GKAP1: variants seen among roughly 807,000 people sequenced by gnomAD.
GKAP1 encodes G kinase-anchoring protein 1.
A neutral mutation model predicts 56.7 loss-of-function variants in GKAP1; 31 were observed. That is an observed-to-expected ratio of 0.55 (90% CI 0.41 to 0.74). The LOEUF (loss-of-function observed/expected upper bound fraction) is 0.74, where lower values mean the gene tolerates loss of function less well. Ranked by LOEUF, GKAP1 falls within the 30% of genes least tolerant of loss-of-function variation. GKAP1 has a pLI of 0.00. For missense variants in GKAP1, 364 were observed against 402.3 expected (o/e 0.90, Z 0.82); for synonymous variants, 151 against 138.6 (o/e 1.09, Z -0.63).
At chr9:83,765,510 G>A (rs1459746362) in intron 8 of GKAP1, among the ~76,000 whole-genome samples, 4 of 152,242 alleles carry the variant, frequency 2.6e-5, no homozygotes, top group South Asian at 2.1e-4. Flanking sequence ...ATCCACCCAC[G>A]GTTTGCACCG....
intron 6 of GKAP1, among the ~76,000 whole-genome samples, chr9:83,783,266 T>C (rs1191462435): frequency 2.0e-5 from 3 of 152,216 alleles, no homozygotes; most frequent in Admixed American, 1.3e-4. Context: ...TAGCTGTTCA[T>C]ACGGTGAGCA....
chr9:83,763,606 T>C (rs1417398041), intron 8 of GKAP1, among the ~76,000 whole-genome samples: 4 of 152,144 alleles, frequency 2.6e-5, no homozygotes, highest in African/African-American at 9.7e-5. Context: ...AATTCTACTC[T>C]AAGTTTCTAA....
intron 7 of GKAP1, among the ~76,000 whole-genome samples, chr9:83,772,469 A>C (rs1378844620): frequency 6.6e-6 from 1 of 152,200 alleles, no homozygotes; most frequent in East Asian, 1.9e-4. Context: ...CTCTAGAATA[A>C]ATCATCATGA....
intron 3 of GKAP1, among the ~76,000 whole-genome samples, chr9:83,800,369 C>T (rs999680302): frequency 6.9e-6 from 1 of 144,120 alleles, no homozygotes; most frequent in Non-Finnish European, 1.5e-5. Context: ...CAGAGTCTCG[C>T]TCTGTCGCCA....
intron 4 of GKAP1, among the ~76,000 whole-genome samples, chr9:83,792,506 T>C (rs1944177690): frequency 6.6e-6 from 1 of 151,794 alleles, no homozygotes; most frequent in Non-Finnish European, 1.5e-5. Flanking sequence ...GCGCAGAAAA[T>C]AAAGAAGAGA....
intron 6 of GKAP1, among the ~76,000 whole-genome samples, chr9:83,782,900 C>T (rs1944000688): frequency 6.6e-6 from 1 of 152,076 alleles, no homozygotes; most frequent in Non-Finnish European, 1.5e-5. Flanking sequence ...AACTCCTGAC[C>T]TGAAATGGAT....
chr9:83,779,370 C>T (rs1383370178), intron 7 of GKAP1, among the ~76,000 whole-genome samples: 1 of 147,974 alleles, frequency 6.8e-6, no homozygotes, highest in Non-Finnish European at 1.5e-5. Flanking sequence ...AGATAGATTT[C>T]GTTTTCCTAG....
At chr9:83,744,186 A>AT (rs1016657744) in intron 10 of GKAP1, among the ~76,000 whole-genome samples, 10 of 152,334 alleles carry the variant, frequency 6.6e-5, no homozygotes, top group African/African-American at 2.4e-4. Flanking sequence ...AAAACTAGTG[A>AT]TTTTAAAGAG....
intron 4 of GKAP1, among the ~76,000 whole-genome samples, chr9:83,794,145 C>A (rs184167246): frequency 6.6e-6 from 1 of 151,814 alleles, no homozygotes; most frequent in South Asian, 2.1e-4. Context: ...CCAGCTTGGG[C>A]GATGGGAGTA....
At position 83,768,978 on chromosome 9, in the gene GKAP1, A is replaced by G; in HGVS notation, c.586-8T>C. On this transcript the variant is annotated splice_region_variant and splice_polypyrimidine_tract_variant and intron_variant, in intron 7 of 12. Transcript: ENST00000376371. ...CTGAGAAGAACTCAATTCCTGTCAA[A>G]AATGAATTACGATTTACTATCATTC... 1 of 1,602,686 alleles carries G rather than the reference A, an allele frequency of 6.2e-7. No homozygotes were observed. Among genetic ancestry groups the G allele is most frequent in the South Asian group, 1.1e-5 (1 of 90,538 alleles).
chr9:83,753,194 G>GA, intron 9 of GKAP1, 64 bp downstream of exon 9: 1 of 975,150 alleles, frequency 1.0e-6, no homozygotes, highest in Non-Finnish European at 1.6e-6. Context: ...TTACATATAA[G>GA]AAAAACAGAA....
At chr9:83,817,382 T>C (rs1944633875) in intron 1 of GKAP1, 135 bp downstream of exon 1, 2 of 150,736 alleles carry the variant, frequency 1.3e-5, no homozygotes, top group Non-Finnish European at 3.0e-5. Context: ...CTCCGGTCAG[T>C]GGGGCCCGTC....
chr9:83,781,146 T>C (rs1031312156), intron 6 of GKAP1, among the ~76,000 whole-genome samples: 5 of 152,140 alleles, frequency 3.3e-5, no homozygotes, highest in Admixed American at 6.5e-5. Flanking sequence ...GCGGATCACC[T>C]GAGGCCAGGA....
At chr9:83,814,233 T>C (rs1034577237) in intron 2 of GKAP1, among the ~76,000 whole-genome samples, 5 of 152,234 alleles carry the variant, frequency 3.3e-5, no homozygotes, top group African/African-American at 1.2e-4. Context: ...GGGCTTTCTC[T>C]AGCAACCCTC....
chr9:83,799,800 A>C (rs1030946478), intron 3 of GKAP1, among the ~76,000 whole-genome samples: 1 of 151,998 alleles, frequency 6.6e-6, no homozygotes, highest in African/African-American at 2.4e-5. Context: ...CAAAAAATAC[A>C]ACAACAACAA....
At chr9:83,777,401 A>G (rs572550700) in intron 7 of GKAP1, among the ~76,000 whole-genome samples, 17 of 152,330 alleles carry the variant, frequency 1.1e-4, no homozygotes, top group African/African-American at 4.1e-4. Flanking sequence ...AAACAACTTC[A>G]GTCCAACAGA....
chr9:83,786,269 G>A (rs371479849), intron 5 of GKAP1, among the ~76,000 whole-genome samples: 4 of 152,300 alleles, frequency 2.6e-5, no homozygotes, highest in Non-Finnish European at 2.9e-5. Context: ...CCAGCCAGGC[G>A]CGGTGGCTCA....
chr9:83,776,893 G>A (rs747837901), intron 7 of GKAP1, among the ~76,000 whole-genome samples: 14 of 150,134 alleles, frequency 9.3e-5, no homozygotes, highest in East Asian at 3.9e-4. Context: ...ATTTGTCCAC[G>A]CTCATAATCA....
rs149367905 is a variant in GKAP1, at chr9:83,799,291, G to T, written c.254C>A (p.Ser85Tyr). 10 of 1,597,230 alleles carry T rather than the reference G, an allele frequency of 6.3e-6. No homozygotes were observed. The highest frequency in any genetic ancestry group is 8.5e-6 in the Non-Finnish European group (10 of 1,174,988). Reference protein sequence around the residue: ...NLAFKKIPQKSSHAVCNAQHD... With the variant: ...NLAFKKIPQKYSHAVCNAQHD... ...TTGAGCGTTACAAACAGCATGGGAGGATTTCTGGGGAATTTTCTTAAAAGC... is the reference window on the plus strand; with the variant it reads ...TTGAGCGTTACAAACAGCATGGGAGTATTTCTGGGGAATTTTCTTAAAAGC... The change falls in exon 4 of 13, where the codon TCC (serine) becomes TAC (tyrosine). Residue 85 changes from serine to tyrosine, a missense_variant. Transcript: ENST00000376371.
Sources: gnomAD v4.1 joint callset for allele counts (sites outside exome capture counted in the v4.1 genomes callset) on GRCh38, gnomAD v4.1.1 for gene constraint, MANE v1.5 for transcripts, NCBI Gene and HGNC (gene_info 2026-07-23, HGNC 2026-07-21) for gene names.